The following FRMD6 variants were observed in gnomAD, a reference collection of about 807,000 sequenced individuals.
FRMD6 encodes the protein FERM domain containing 6.
A neutral mutation model predicts 73.2 loss-of-function variants in FRMD6; 37 were observed. The ratio of observed to expected loss-of-function variants is 0.51; its 90% CI spans 0.39 to 0.66. The LOEUF (loss-of-function observed/expected upper bound fraction) is 0.66. Ranked by LOEUF, FRMD6 falls within the 30% of genes least tolerant of loss-of-function variation. FRMD6 has a pLI of 0.00. For synonymous variants in FRMD6, 273 were observed against 282.2 expected (o/e 0.97, Z 0.33); for missense variants, 714 against 780.5 (o/e 0.91, Z 1.02).
the FRMD6 span, among the ~76,000 whole-genome samples, chr14:51,456,757 C>T: frequency 2.0e-5 from 3 of 152,038 alleles, no homozygotes; most frequent in Non-Finnish European, 4.4e-5. Flanking sequence ...CTTAAGTGTC[C>T]ATCAATGGAA....
At chr14:51,546,689 T>C (rs936093321) in intron 1 of FRMD6, 2 of 151,788 alleles carry the variant, frequency 1.3e-5, no homozygotes, top group Non-Finnish European at 2.9e-5. Flanking sequence ...TTCATTGTAA[T>C]TGAATTCATG....
At chr14:51,589,643 A>C (rs79914239) in intron 2 of FRMD6, among the ~76,000 whole-genome samples, 3,363 of 151,924 alleles carry the variant, frequency 0.022, 114 homozygotes, top group African/African-American at 0.077. Context: ...CTGGTTCTGG[A>C]ATTGGGGACA....
At chr14:51,719,271 G>C (rs1172700169) in intron 10 of FRMD6, among the ~76,000 whole-genome samples, 5 of 152,284 alleles carry the variant, frequency 3.3e-5, no homozygotes, top group Admixed American at 3.3e-4. Context: ...GTTTGACTGC[G>C]TTAAAGAACA....
chr14:51,567,528 C>T (rs1287711323), intron 1 of FRMD6, among the ~76,000 whole-genome samples: 1 of 152,154 alleles, frequency 6.6e-6, no homozygotes. Flanking sequence ...TTTGTAGAGA[C>T]AGTATCTTGC....
the FRMD6 span, among the ~76,000 whole-genome samples, chr14:51,409,425 C>T: frequency 7.8e-6 from 1 of 127,986 alleles, no homozygotes; most frequent in Admixed American, 9.4e-5. Context: ...GCTGAAAGGT[C>T]TTTCATTCAG....
chr14:51,647,294 C>T (rs149631435), upstream of FRMD6, among the ~76,000 whole-genome samples: 1 of 152,126 alleles, frequency 6.6e-6, no homozygotes, highest in African/African-American at 2.4e-5. Flanking sequence ...TGCTATGCTG[C>T]CTCTGAAAAA....
In FRMD6 at chr14:51,577,866, G is replaced by A. The variant is rs368931115; in HGVS notation, c.-147+7456G>A. On this transcript the variant is annotated intron_variant, in intron 2 of 14. Coordinates refer to the FRMD6 transcript ENST00000356218. The stretch of plus-strand genomic sequence containing the variant: ...GCAGTTTTGTTACATAGGTATACAC[G>A]TGCCTTTGCTATTTCTTAACTACAT... Among the ~76,000 whole-genome samples, 27 of 152,222 alleles carry A rather than the reference G, an allele frequency of 1.8e-4. 1 individual carries two copies. The highest frequency in any genetic ancestry group is 5.8e-4 in the African/African-American group (24 of 41,550).
At chr14:51,565,222 C>T (rs1393313411) in intron 1 of FRMD6, 1 of 152,222 alleles carries the variant, frequency 6.6e-6, no homozygotes, top group Non-Finnish European at 1.5e-5. Flanking sequence ...AGTCTGGCAA[C>T]TTTCAGAACA....
the FRMD6 span, among the ~76,000 whole-genome samples, chr14:51,414,689 A>T: frequency 6.6e-6 from 1 of 152,138 alleles, no homozygotes; most frequent in African/African-American, 2.4e-5. Context: ...CAATTCTGTG[A>T]AGAAAGTCAT....
chr14:51,621,087 A>C (rs1439829392), intron 2 of FRMD6, among the ~76,000 whole-genome samples: 1 of 152,134 alleles, frequency 6.6e-6, no homozygotes, highest in African/African-American at 2.4e-5. Context: ...AGTGGCATTT[A>C]ACCACGCCAC....
At chr14:51,500,496 G>A (rs1883553368) in intron 1 of FRMD6, among the ~76,000 whole-genome samples, 1 of 151,154 alleles carries the variant, frequency 6.6e-6, no homozygotes, top group Non-Finnish European at 1.5e-5. Context: ...TCCAGCCTGG[G>A]CGACACTGCA....
the FRMD6 span, among the ~76,000 whole-genome samples, chr14:51,429,961 A>G: frequency 1.3e-5 from 2 of 152,212 alleles, no homozygotes; most frequent in Non-Finnish European, 2.9e-5. Flanking sequence ...AGTTATGTCT[A>G]CATCACTAGT....
chr14:51,552,675 A>G (rs1886907797), intron 1 of FRMD6, among the ~76,000 whole-genome samples: 1 of 152,254 alleles, frequency 6.6e-6, no homozygotes, highest in African/African-American at 2.4e-5. Flanking sequence ...TTGAAAAATT[A>G]TGTGAAATTC....
intron 2 of FRMD6, among the ~76,000 whole-genome samples, chr14:51,590,484 T>G (rs1889329331): frequency 6.6e-6 from 1 of 152,194 alleles, no homozygotes; most frequent in African/African-American, 2.4e-5. Context: ...CCAGGAAAGT[T>G]AAACCCCTGA....
intron 1 of FRMD6, among the ~76,000 whole-genome samples, chr14:51,491,817 C>T (rs17124009): frequency 0.054 from 8,239 of 152,198 alleles, 722 homozygotes; most frequent in African/African-American, 0.19. Flanking sequence ...CTCTGTGAGG[C>T]GGACACTTAG....
At chr14:51,598,552 T>C (rs1171841824) in intron 2 of FRMD6, among the ~76,000 whole-genome samples, 6 of 152,148 alleles carry the variant, frequency 3.9e-5, no homozygotes, top group African/African-American at 1.4e-4. Context: ...TTTCAGCCCT[T>C]GTCTCCTTCC....
chr14:51,540,046 C>T (rs1018597346), intron 1 of FRMD6, among the ~76,000 whole-genome samples: 7 of 152,292 alleles, frequency 4.6e-5, no homozygotes, highest in African/African-American at 1.4e-4. Context: ...AACTATTGCC[C>T]ACCCTGAATG....
At chr14:51,655,128 G>A (rs1892727446) in intron 1 of FRMD6, among the ~76,000 whole-genome samples, 1 of 151,582 alleles carries the variant, frequency 6.6e-6, no homozygotes, top group South Asian at 2.1e-4. Context: ...TTCAGGTATA[G>A]CAATTGGTCC....
the FRMD6 span, among the ~76,000 whole-genome samples, chr14:51,445,826 G>A: frequency 5.3e-5 from 8 of 152,070 alleles, no homozygotes; most frequent in African/African-American, 1.2e-4. Flanking sequence ...GTAATTTTGC[G>A]TTTACCCATA....
Sources: allele counts gnomAD v4.1 joint callset (sites outside exome capture counted in the v4.1 genomes callset), GRCh38; gene constraint gnomAD v4.1.1; transcripts MANE v1.5; gene names NCBI Gene and HGNC (gene_info 2026-07-23, HGNC 2026-07-21).